PDE2A: variants seen among roughly 807,000 people sequenced by gnomAD.
PDE2A encodes the protein phosphodiesterase 2A.
Under a neutral mutation model 133.6 loss-of-function variants are expected in PDE2A, and 53 were observed. The ratio of observed to expected loss-of-function variants is 0.40; its 90% CI spans 0.32 to 0.50. The LOEUF is 0.50. Among genes scored for constraint, PDE2A ranks in the 20% least tolerant of loss-of-function variants. The probability of loss-of-function intolerance (pLI) is 0.73; values close to 1 mark genes in which losing one functional copy is unlikely to be tolerated. For missense variants in PDE2A, 796 were observed against 1,232.4 expected (o/e 0.65, Z 5.30); for synonymous variants, 491 against 490.2 (o/e 1.00, Z -0.02).
rs768459048 is a variant in PDE2A at position 72,642,246 on chromosome 11, C to T, written c.144+8G>A. 3.3e-6 allele frequency: 5 copies of T among 1,514,008 alleles called. No homozygotes were observed. Among genetic ancestry groups the T allele is most frequent in the Non-Finnish European group, 4.4e-6 (5 of 1,133,452 alleles). 93.8% of individuals were successfully genotyped at this position (1,514,008 alleles called of 1,614,324 possible). On this transcript the variant is annotated splice_region_variant and intron_variant, in intron 2 of 30. Coordinates refer to ENST00000334456, the MANE Select transcript of PDE2A (RefSeq NM_002599.5). ...TTCTCCTGGTGCCCAGCGCGGGGGC[C>T]CCCCTACCTGCAGGCTGTCGGCGCA...
At chr11:72,635,851 G>T in intron 2 of PDE2A, 1 of 390,238 alleles carries the variant, frequency 2.6e-6, no homozygotes, top group Non-Finnish European at 3.7e-6. Flanking sequence ...TACCAGTATT[G>T]ATGTTGGGGC....
intron 4 of PDE2A, among the ~76,000 whole-genome samples, chr11:72,601,435 C>T (rs1324385305): frequency 4.0e-5 from 6 of 150,578 alleles, no homozygotes; most frequent in Non-Finnish European, 7.4e-5. Context: ...AGACCGTTCC[C>T]GGTGTCCTCT....
intron 1 of PDE2A, among the ~76,000 whole-genome samples, chr11:72,648,793 T>A (rs1475405255): frequency 6.6e-6 from 1 of 152,096 alleles, no homozygotes; most frequent in Non-Finnish European, 1.5e-5. Context: ...CACAGAATCT[T>A]ACACACATAC....
intron 2 of PDE2A, among the ~76,000 whole-genome samples, chr11:72,619,186 G>C (rs1393893911): frequency 1.3e-5 from 2 of 152,178 alleles, no homozygotes. Context: ...CCTCCCACCA[G>C]ACCCTCGGAC....
At chr11:72,642,171 G>A in intron 2 of PDE2A, 83 bp downstream of exon 2, 1 of 1,350,702 alleles carries the variant, frequency 7.4e-7, no homozygotes, top group Non-Finnish European at 9.6e-7. Context: ...TCCTCCCTGA[G>A]AAGGGTTCGG....
At chr11:72,629,501 C>T (rs1339343322) in intron 2 of PDE2A, among the ~76,000 whole-genome samples, 6 of 152,350 alleles carry the variant, frequency 3.9e-5, no homozygotes, top group African/African-American at 1.4e-4. Flanking sequence ...GGGGGAGCCC[C>T]GCCCCATGGG....
chr11:72,648,617 G>A (rs1859193380), intron 1 of PDE2A, among the ~76,000 whole-genome samples: 1 of 152,112 alleles, frequency 6.6e-6, no homozygotes, highest in Non-Finnish European at 1.5e-5. Context: ...TGACCCTCTG[G>A]GGGAAGGGAA....
At chr11:72,652,902 A>G (rs1463067847) in intron 1 of PDE2A, among the ~76,000 whole-genome samples, 1 of 152,162 alleles carries the variant, frequency 6.6e-6, no homozygotes, top group Admixed American at 6.5e-5. Flanking sequence ...CCAGCTCCAG[A>G]AGGCAGAGAC....
chr11:72,584,888 C>T lies in PDE2A; in HGVS notation c.1343G>A (p.Gly448Asp), dbSNP rs777391227. The change falls in exon 17 of 31, where the codon GGC (glycine) becomes GAC (aspartate). Residue 448 changes from glycine (G) to aspartate (D), a missense_variant. By Grantham distance (94) the Gly-to-Asp change is moderately conservative (BLOSUM62 -1). Around this residue, in one of 7 missense-constraint regions of PDE2A, gnomAD observed 218 missense variants for 465.9 expected, o/e 0.47. Coordinates refer to ENST00000334456, the MANE Select transcript of PDE2A (RefSeq NM_002599.5). ...CCCTCTCACCTCATCATCCACCACG[C>T]CCCCGTCGAACACCTTGGCCACCAG... Reference protein sequence around the residue: ...NELVAKVFDGGVVDDESYEIR... With the variant: ...NELVAKVFDGDVVDDESYEIR... 6 of 1,613,898 alleles carry T rather than the reference C, an allele frequency of 3.7e-6. No homozygotes were observed. The highest frequency in any genetic ancestry group is 2.2e-5 in the East Asian group (1 of 44,886).
intron 2 of PDE2A, among the ~76,000 whole-genome samples, chr11:72,618,901 G>C (rs964117739): frequency 1.3e-5 from 2 of 152,224 alleles, no homozygotes; most frequent in Non-Finnish European, 2.9e-5. Context: ...CACCCAGCCC[G>C]CCAGGCAGGC....
At position 72,578,406 on chromosome 11, in the gene PDE2A, T is replaced by A. The variant is rs960188420; in HGVS notation, c.2509-67A>T. ...CATCGGGTACCAGGGTCAGGCTAGT[T>A]CAAGCCCTCCCTGTCCCAGGCCAGG... is the stretch of plus-strand genomic sequence containing the variant. On this transcript the variant is annotated intron_variant, in intron 29 of 30. Coordinates refer to ENST00000334456, the MANE Select transcript of PDE2A (RefSeq NM_002599.5). The surrounding 1 kb of genome is among the most constrained non-coding windows in gnomAD (Gnocchi z 4.2). The A allele has an allele frequency of 3.4e-5, 53 of 1,580,548 alleles. No individual in the cohort carries two copies. Among genetic ancestry groups the A allele is most frequent in the African/African-American group, 9.4e-5 (7 of 74,232 alleles).
rs571200377 is a variant in PDE2A, at chr11:72,596,154, G to A, written c.489+439C>T. ...GGCCCTTATGTCCATCTGTCCCTCC[G>A]CAGCATCTCTCTTCACACCTCACTT... is the stretch of plus-strand genomic sequence containing the variant. On this transcript the variant is annotated intron_variant, in intron 6 of 30. Coordinates refer to ENST00000334456, the MANE Select transcript of PDE2A (RefSeq NM_002599.5). 3.0e-4 allele frequency among the ~76,000 whole-genome samples: 46 copies of A among 152,180 alleles called. No homozygotes were observed. The South Asian group carries it at 6.0e-3, about 20-fold the overall frequency.
At chr11:72,584,754 A>T (rs1484005790) in intron 17 of PDE2A, 26 bp from the exon 18 acceptor site, 1 of 1,612,528 alleles carries the variant, frequency 6.2e-7, no homozygotes, top group Admixed American at 1.7e-5. Context: ...TGGAGTCGAG[A>T]GGAAGAAGTT....
At chr11:72,657,031 C>T (rs1854917697) in intron 1 of PDE2A, among the ~76,000 whole-genome samples, 1 of 152,160 alleles carries the variant, frequency 6.6e-6, no homozygotes, top group African/African-American at 2.4e-5. Flanking sequence ...CTCTGAACAT[C>T]TGTCGCTCCC....
At chr11:72,584,491 C>A in intron 18 of PDE2A, 60 bp downstream of exon 18, 2 of 1,522,264 alleles carry the variant, frequency 1.3e-6, no homozygotes, top group South Asian at 2.4e-5. Flanking sequence ...CACCCCCGCT[C>A]GCTCGGACCC....
At chr11:72,602,784 C>A (rs1016052893) in intron 4 of PDE2A, among the ~76,000 whole-genome samples, 1 of 152,304 alleles carries the variant, frequency 6.6e-6, no homozygotes, top group African/African-American at 2.4e-5. Context: ...AGCAGAGAGA[C>A]AGGGAGGGGG....
At position 72,578,378 on chromosome 11, in the gene PDE2A, C is replaced by T. The variant is rs751573660; in HGVS notation, c.2509-39G>A. 12 of 1,578,020 alleles carry T rather than the reference C, an allele frequency of 7.6e-6. No homozygotes were observed. In the Admixed American group the frequency reaches 1.3e-4, roughly 18 times the overall value. Reference sequence around the variant, plus strand: ...GTCGTCAGGCCTGTCCCTCTCATTCCTCCATCGGGTACCAGGGTCAGGCTA... The same window carrying T: ...GTCGTCAGGCCTGTCCCTCTCATTCTTCCATCGGGTACCAGGGTCAGGCTA... On this transcript the variant is annotated intron_variant, in intron 29 of 30. Coordinates refer to ENST00000334456, the MANE Select transcript of PDE2A (RefSeq NM_002599.5). This position sits in a 1 kb window ranked among gnomAD's most constrained non-coding sequence, Gnocchi z 4.2.
intron 2 of PDE2A, chr11:72,636,019 G>T: frequency 8.7e-6 from 11 of 1,262,134 alleles, no homozygotes; most frequent in Non-Finnish European, 1.1e-5. Context: ...CTGTCTCCCA[G>T]TGGCAGCCCC....
At chr11:72,646,061 C>A (rs1468780036) in intron 1 of PDE2A, among the ~76,000 whole-genome samples, 2 of 152,200 alleles carry the variant, frequency 1.3e-5, no homozygotes, top group African/African-American at 2.4e-5. Context: ...GCTGAGGGTC[C>A]TACTATCCCG....
Sources: allele counts gnomAD v4.1 joint callset (sites outside exome capture counted in the v4.1 genomes callset), GRCh38; gene constraint gnomAD v4.1.1; regional missense constraint gnomAD v4.1.1; non-coding constraint Gnocchi (gnomAD v3.1); transcripts MANE v1.5; gene names NCBI Gene and HGNC (gene_info 2026-07-23, HGNC 2026-07-21).